LY75: variants seen among roughly 807,000 people sequenced by gnomAD.
LY75 encodes lymphocyte antigen 75.
Under a neutral mutation model 231.7 loss-of-function variants are expected in LY75, and 185 were observed. That is an observed-to-expected ratio of 0.80 (90% CI 0.71 to 0.90). LY75 has a LOEUF of 0.90. Ranked by LOEUF, LY75 falls within the 40% of genes least tolerant of loss-of-function variation. The pLI, the probability that LY75 is intolerant of heterozygous loss-of-function variation, is 0.00. For missense variants in LY75, 1,947 were observed against 2,050.2 expected (o/e 0.95, Z 0.97); for synonymous variants, 668 against 689.0 (o/e 0.97, Z 0.48).
At chr2:159,875,381 G>A (rs982192726) in intron 12 of LY75, 63 bp downstream of exon 12, 1 of 1,569,982 alleles carries the variant, frequency 6.4e-7, no homozygotes, top group African/African-American at 1.4e-5. Context: ...TTTGTACAAG[G>A]ACATGAACAA....
At chr2:159,904,035 T>A (rs542704122) in intron 1 of LY75, among the ~76,000 whole-genome samples, 60 of 152,306 alleles carry the variant, frequency 3.9e-4, no homozygotes, top group South Asian at 1.5e-3. Flanking sequence ...CATAGCTGAC[T>A]CTTGGTCTTG....
chr2:159,841,016 G>GACAATTTTTC, intron 24 of LY75, 61 bp from the exon 25 acceptor site: 3 of 1,581,328 alleles, frequency 1.9e-6, no homozygotes, highest in Non-Finnish European at 2.6e-6. Context: ...CAAGTTATGG[G>GACAATTTTTC]ACATTTTTTT....
chr2:159,818,168 G>A (rs1683180577), intron 29 of LY75, among the ~76,000 whole-genome samples: 2 of 152,338 alleles, frequency 1.3e-5, no homozygotes, highest in Admixed American at 6.5e-5. Context: ...ATAGGAAGGT[G>A]GAGGATAACT....
Position 159,853,228 on chromosome 2 carries a change from C to T in LY75, c.2743+45G>A, listed in dbSNP as rs199647704. ...TAAGCTAGAAACTGAACCTGAACTT[C>T]ACATATTACATAATCAGCATTAAAG... On this transcript the variant is annotated intron_variant, in intron 20 of 34. Coordinates refer to ENST00000263636, the MANE Select transcript of LY75 (RefSeq NM_002349.4). 6.7e-4 allele frequency: 1,040 copies of T among 1,553,076 alleles called. 6 individuals are homozygous for T. In the African/African-American group the frequency reaches 0.013, roughly 19 times the overall value.
chr2:159,854,921 G>C lies in LY75; in HGVS notation c.2402C>G (p.Pro801Arg). The change falls in exon 17 of 35, where the codon CCA becomes CGA. Residue 801 changes from proline (P) to arginine (R), a missense_variant. Coordinates refer to ENST00000263636, the MANE Select transcript of LY75 (RefSeq NM_002349.4). ...QIPKGRTPKTPDWYNPDRAGI... is the reference protein window; with the variant it reads ...QIPKGRTPKTRDWYNPDRAGI... ...TAACTCACCTGGATTGTACCAGTCT[G>C]GTGTTTTTGGAGTACGGCCTGTATG... 6.2e-7 allele frequency: 1 copy of C among 1,613,830 alleles called. No individual in the cohort carries two copies. The highest frequency in any genetic ancestry group is 8.5e-7 in the Non-Finnish European group (1 of 1,179,850).
intron 31 of LY75, among the ~76,000 whole-genome samples, chr2:159,812,819 C>T (rs761538560): frequency 6.6e-6 from 1 of 152,164 alleles, no homozygotes; most frequent in Non-Finnish European, 1.5e-5. Context: ...AAAACTGAAA[C>T]TCTATACCCA....
chr2:159,893,965 T>C lies in LY75; in HGVS notation c.586A>G (p.Thr196Ala). 6.2e-7 allele frequency: 1 copy of C among 1,613,852 alleles called. No homozygotes were observed. The highest frequency in any genetic ancestry group is 1.1e-5 in the South Asian group (1 of 91,050). Residue 196 changes from threonine (T) to alanine (A), a missense_variant, in exon 3 of 35, where the codon ACC becomes GCC. Transcript: ENST00000263636. Reference protein sequence around the residue: ...DEDHSGPWCATTLNYEYDRKW... With the variant: ...DEDHSGPWCAATLNYEYDRKW... Reference sequence around the variant, plus strand: ...CGGTCATATTCATAATTTAAGGTGGTGGCACACCATGGCCCACTATGATCT... The same window carrying C: ...CGGTCATATTCATAATTTAAGGTGGCGGCACACCATGGCCCACTATGATCT...
chr2:159,847,462 C>A (rs1684237976), intron 23 of LY75, among the ~76,000 whole-genome samples: 1 of 152,058 alleles, frequency 6.6e-6, no homozygotes, highest in African/African-American at 2.4e-5. Context: ...CCTCCAGAGT[C>A]TCTGGGATTA....
At chr2:159,821,298 G>A (rs573168102) in intron 28 of LY75, among the ~76,000 whole-genome samples, 3 of 151,694 alleles carry the variant, frequency 2.0e-5, no homozygotes, top group African/African-American at 7.3e-5. Context: ...AAATATAAGC[G>A]CTACAGCTAT....
At position 159,874,633 on chromosome 2, in the gene LY75, ATATGTAAATATATATAT is replaced by A. The variant is rs1424498803; in HGVS notation, c.1974+794_1974+810del. ...TTTTGTAAATATATATATAGTAAAT[ATATGTAAATATATATAT>A]TTTGTAAATATATATATATTTTGTA... On this transcript the variant is annotated intron_variant, in intron 12 of 34. Transcript: ENST00000263636. 2.9e-3 allele frequency among the ~76,000 whole-genome samples: 34 copies of A among 11,822 alleles called. No individual in the cohort carries two copies. In the East Asian group the frequency reaches 0.033, roughly 11 times the overall value. The allele number at this position is 11,822 out of a possible 152,430, so 7.8% of individuals were successfully genotyped here.
At chr2:159,874,209 A>T (rs1232398786) in intron 12 of LY75, among the ~76,000 whole-genome samples, 7 of 31,498 alleles carry the variant, frequency 2.2e-4, no homozygotes, top group East Asian at 1.4e-3. Flanking sequence ...AAATATATAT[A>T]GTAAATATAT....
chr2:159,826,343 A>T (rs12477819), intron 28 of LY75, among the ~76,000 whole-genome samples: 2 of 152,170 alleles, frequency 1.3e-5, no homozygotes, highest in East Asian at 3.8e-4. Flanking sequence ...TCATGAATGA[A>T]CTCCCATTCA....
chr2:159,861,635 G>A (rs971161278), intron 14 of LY75, among the ~76,000 whole-genome samples: 1 of 151,748 alleles, frequency 6.6e-6, no homozygotes, highest in African/African-American at 2.4e-5. Flanking sequence ...GTACTTGAGA[G>A]GCTGAGACAT....
chr2:159,838,190 C>T (rs1216369447), intron 25 of LY75, among the ~76,000 whole-genome samples: 1 of 152,214 alleles, frequency 6.6e-6, no homozygotes, highest in Non-Finnish European at 1.5e-5. Context: ...TGCCACTACT[C>T]TGTTTAAAAT....
intron 23 of LY75, among the ~76,000 whole-genome samples, chr2:159,843,450 T>C (rs1684103792): frequency 6.6e-6 from 1 of 151,222 alleles, no homozygotes; most frequent in Non-Finnish European, 1.5e-5. Flanking sequence ...TACCAAAATG[T>C]AACAATCACT....
chr2:159,846,589 A>G (rs979889526), intron 23 of LY75, among the ~76,000 whole-genome samples: 2 of 152,194 alleles, frequency 1.3e-5, no homozygotes, highest in South Asian at 4.1e-4. Flanking sequence ...TTTAACTAAT[A>G]TTTACAATTT....
intron 23 of LY75, 123 bp downstream of exon 23, chr2:159,849,857 G>T: frequency 1.6e-6 from 2 of 1,275,856 alleles, no homozygotes; most frequent in Admixed American, 2.7e-5. Flanking sequence ...TCTTAGATGT[G>T]CCTATTCTGG....
At position 159,882,246 on chromosome 2, in the gene LY75, A is replaced by G; in HGVS notation, c.1124T>C (p.Leu375Pro). The change falls in exon 7 of 35, where the codon CTG (leucine) becomes CCG (proline). Residue 375 changes from leucine (L) to proline (P), a missense_variant. Physicochemically the swap from Leu to Pro is moderately conservative, Grantham distance 98. Transcript: ENST00000263636. ...ATCCCAGGAATTACTTTCATTTACCAGCAGATAGCAAAATCCATTATTTGG... is the reference window on the plus strand; with the variant it reads ...ATCCCAGGAATTACTTTCATTTACCGGCAGATAGCAAAATCCATTATTTGG... ...WLPNNGFCYL[L>P]VNESNSWDKA... The G allele has an allele frequency of 6.2e-7, 1 of 1,614,092 alleles. No individual in the cohort carries two copies. The highest frequency in any genetic ancestry group is 8.5e-7 in the Non-Finnish European group (1 of 1,179,956).
chr2:159,850,200 AT>A (rs1246864441), intron 22 of LY75, 60 bp from the exon 23 acceptor site: 2 of 1,533,860 alleles, frequency 1.3e-6, no homozygotes, highest in East Asian at 2.4e-5. Context: ...TACATTAAAA[AT>A]GTCAATGAAT....
Sources: allele counts gnomAD v4.1 joint callset (sites outside exome capture counted in the v4.1 genomes callset), GRCh38; gene constraint gnomAD v4.1.1; transcripts MANE v1.5; gene names NCBI Gene and HGNC (gene_info 2026-07-23, HGNC 2026-07-21).